SPAG16: variants seen among roughly 807,000 people sequenced by gnomAD.
SPAG16 encodes sperm-associated antigen 16 protein.
Under a neutral mutation model 80.4 loss-of-function variants are expected in SPAG16, and 86 were observed. The observed-to-expected ratio is 1.07, with a 90% confidence interval of 0.90 to 1.28. The LOEUF (loss-of-function observed/expected upper bound fraction) is 1.28. Among genes scored for constraint, SPAG16 ranks in the 50% most tolerant of loss-of-function variants. The pLI, the probability that SPAG16 is intolerant of heterozygous loss-of-function variation, is 0.00. For missense variants in SPAG16, 870 were observed against 765.3 expected (o/e 1.14, Z -1.61); for synonymous variants, 294 against 265.9 (o/e 1.11, Z -1.03).
chr2:214,341,556 G>T (rs1697697605), intron 15 of SPAG16, among the ~76,000 whole-genome samples: 1 of 152,106 alleles, frequency 6.6e-6, no homozygotes, highest in Non-Finnish European at 1.5e-5. Context: ...ACTTGCAAAG[G>T]AATGTGAATC....
chr2:213,803,245 T>A (rs995880972), intron 10 of SPAG16, among the ~76,000 whole-genome samples: 24 of 152,186 alleles, frequency 1.6e-4, no homozygotes, highest in African/African-American at 5.5e-4. Context: ...AGATTGGACA[T>A]AATTTGTAAA....
chr2:213,933,296 A>G (rs1168570810), intron 12 of SPAG16, among the ~76,000 whole-genome samples: 1 of 152,244 alleles, frequency 6.6e-6, no homozygotes, highest in Non-Finnish European at 1.5e-5. Flanking sequence ...GGTCTGTGTT[A>G]TAGATCTAAG....
intron 11 of SPAG16, among the ~76,000 whole-genome samples, chr2:213,866,787 C>A (rs746800305): frequency 8.5e-5 from 13 of 152,286 alleles, no homozygotes; most frequent in Non-Finnish European, 1.6e-4. Flanking sequence ...AGCTTAATTA[C>A]TTCTCCAGTT....
chr2:213,932,169 TA>T (rs1559602387), intron 12 of SPAG16, among the ~76,000 whole-genome samples: 31,793 of 129,084 alleles, frequency 0.25, 4,841 homozygotes, highest in South Asian at 0.36. Context: ...TATATATATA[TA>T]TATATATATA....
At chr2:213,712,468 A>G (rs2066042473) in intron 10 of SPAG16, among the ~76,000 whole-genome samples, 1 of 152,182 alleles carries the variant, frequency 6.6e-6, no homozygotes, top group South Asian at 2.1e-4. Flanking sequence ...ACTGCACTTC[A>G]AATTAGAGTG....
chr2:213,734,458 AATAAG>A (rs2067196752), intron 10 of SPAG16, among the ~76,000 whole-genome samples: 1 of 152,218 alleles, frequency 6.6e-6, no homozygotes, highest in African/African-American at 2.4e-5. Context: ...CTTCTTCCAA[AATAAG>A]ATAAAACTTT....
At chr2:214,297,277 TA>T (rs1372965831) in intron 15 of SPAG16, among the ~76,000 whole-genome samples, 1 of 152,166 alleles carries the variant, frequency 6.6e-6, no homozygotes, top group African/African-American at 2.4e-5. Flanking sequence ...TTTACTCTGT[TA>T]ATTTTTTGTT....
At chr2:213,918,938 C>T (rs567750075) in intron 11 of SPAG16, among the ~76,000 whole-genome samples, 8 of 152,084 alleles carry the variant, frequency 5.3e-5, no homozygotes, top group African/African-American at 1.9e-4. Flanking sequence ...TCGTAATAGT[C>T]TCTGATGGTT....
intron 10 of SPAG16, among the ~76,000 whole-genome samples, chr2:213,512,505 T>G (rs1424859785): frequency 6.6e-6 from 1 of 152,200 alleles, no homozygotes. Flanking sequence ...TGAGAACTAT[T>G]GATTCACATC....
intron 10 of SPAG16, among the ~76,000 whole-genome samples, chr2:213,598,999 A>G (rs560240081): frequency 6.6e-6 from 1 of 152,336 alleles, no homozygotes; most frequent in Non-Finnish European, 1.5e-5. Flanking sequence ...GCAAATGTGT[A>G]TAGGAAAGGT....
At chr2:214,113,507 CTT>C (rs2053780792) in intron 14 of SPAG16, among the ~76,000 whole-genome samples, 1 of 152,158 alleles carries the variant, frequency 6.6e-6, no homozygotes, top group African/African-American at 2.4e-5. Context: ...TGTTTGGAGA[CTT>C]TGTTCGTTTC....
intron 13 of SPAG16, among the ~76,000 whole-genome samples, chr2:214,033,470 A>G (rs929478980): frequency 2.6e-5 from 4 of 152,188 alleles, no homozygotes; most frequent in African/African-American, 7.2e-5. Context: ...CTGGAAGACA[A>G]TAATCCAGGC....
chr2:213,333,772 A>G (rs2064213257), intron 5 of SPAG16, among the ~76,000 whole-genome samples: 2 of 152,160 alleles, frequency 1.3e-5, no homozygotes, highest in African/African-American at 4.8e-5. Context: ...TCTTCAATAA[A>G]TGGTGCTGGG....
intron 14 of SPAG16, among the ~76,000 whole-genome samples, chr2:214,135,021 A>T (rs955411425): frequency 6.6e-6 from 1 of 152,170 alleles, no homozygotes; most frequent in Non-Finnish European, 1.5e-5. Flanking sequence ...TATCTAAAAC[A>T]TTACATTTCC....
chr2:213,976,302 A>ACATGTGTGCGCATATGTGTACG (rs2045401918), intron 12 of SPAG16, among the ~76,000 whole-genome samples: 1 of 151,024 alleles, frequency 6.6e-6, no homozygotes, highest in African/African-American at 2.4e-5. Context: ...ATATGCATAC[A>ACATGTGTGCGCATATGTGTACG]CATGTGTGCG....
At chr2:213,561,504 T>C (rs2059597034) in intron 10 of SPAG16, among the ~76,000 whole-genome samples, 1 of 152,178 alleles carries the variant, frequency 6.6e-6, no homozygotes, top group Non-Finnish European at 1.5e-5. Context: ...ACTCATTGTA[T>C]GCCTGTACCA....
chr2:213,298,963 G>A (rs1284399817), intron 3 of SPAG16, among the ~76,000 whole-genome samples: 1 of 151,996 alleles, frequency 6.6e-6, no homozygotes, highest in African/African-American at 2.4e-5. Context: ...TTTTTAATTT[G>A]CTTTTTATTT....
intron 11 of SPAG16, among the ~76,000 whole-genome samples, chr2:213,915,572 A>G (rs2077918202): frequency 6.6e-6 from 1 of 152,162 alleles, no homozygotes; most frequent in Non-Finnish European, 1.5e-5. Flanking sequence ...TATTGTGAAT[A>G]GTGCTGCAAT....
At chr2:213,312,128 GTTAA>G (rs886857696) in intron 4 of SPAG16, among the ~76,000 whole-genome samples, 2 of 151,646 alleles carry the variant, frequency 1.3e-5, no homozygotes, top group Non-Finnish European at 3.0e-5. Context: ...TAAAAGCAAA[GTTAA>G]TTAGTCACAA....
Sources: gnomAD v4.1 joint callset for allele counts (sites outside exome capture counted in the v4.1 genomes callset) on GRCh38, gnomAD v4.1.1 for gene constraint, MANE v1.5 for transcripts, NCBI Gene and HGNC (gene_info 2026-07-23, HGNC 2026-07-21) for gene names.